SP3: variants seen among roughly 807,000 people sequenced by gnomAD.
SP3 encodes the protein transcription factor Sp3.
In SP3, 10 loss-of-function variants were observed where a neutral mutation model predicts 70.3. That is an observed-to-expected ratio of 0.14 (90% confidence interval 0.09 to 0.24). The LOEUF (loss-of-function observed/expected upper bound fraction) is 0.24, where lower values mean the gene tolerates loss of function less well. SP3 is among the 10% of genes least tolerant of loss of function. The pLI is 1.00. For synonymous variants in SP3, 402 were observed against 333.5 expected (o/e 1.21, Z -2.24); for missense variants, 825 against 914.6 (o/e 0.90, Z 1.26).
intron 4 of SP3, among the ~76,000 whole-genome samples, chr2:173,935,570 C>T (rs1447460073): frequency 6.6e-6 from 1 of 150,698 alleles, no homozygotes; most frequent in Non-Finnish European, 1.5e-5. Flanking sequence ...AGAAAATGTA[C>T]ACACTTCCTG....
rs1689220609 is a variant in SP3 at position 173,903,218 on chromosome 2, T to C, written c.*6723A>G. Among the ~76,000 whole-genome samples, 1 of 152,240 alleles carries C rather than the reference T, an allele frequency of 6.6e-6. No individual in the cohort carries two copies. The highest frequency in any genetic ancestry group is 1.5e-5 in the Non-Finnish European group (1 of 68,042). ...ACATTTACTAATACATAATATAATA[T>C]GTGCCAGGCATTATGGAAAGTGGTT... On this transcript the variant is annotated 3_prime_UTR_variant, in exon 7 of 7. Transcript: ENST00000310015.
chr2:173,965,468 T>C (rs1245820831), upstream of SP3: 2 of 359,848 alleles, frequency 5.6e-6, no homozygotes, highest in Non-Finnish European at 1.0e-5. Flanking sequence ...TGTCCGTCGG[T>C]CTGCCAGGCG....
intron 1 of SP3, chr2:173,964,909 C>T: frequency 1.9e-6 from 1 of 519,182 alleles, no homozygotes; most frequent in Non-Finnish European, 3.3e-6. Context: ...CGCCCGCACA[C>T]AGGGGGATGC....
At chr2:173,961,224 C>G (rs954217958) in intron 3 of SP3, among the ~76,000 whole-genome samples, 3 of 152,174 alleles carry the variant, frequency 2.0e-5, no homozygotes, top group African/African-American at 7.2e-5. Flanking sequence ...TGCTTTATGA[C>G]TAGACTTCTT....
chr2:173,928,389 C>G (rs187107692), intron 4 of SP3, among the ~76,000 whole-genome samples: 1 of 152,162 alleles, frequency 6.6e-6, no homozygotes, highest in Non-Finnish European at 1.5e-5. Flanking sequence ...GAGGAAAAGG[C>G]TCTGCTCTAG....
At chr2:173,926,970 T>C (rs189702054) in intron 4 of SP3, among the ~76,000 whole-genome samples, 7 of 152,280 alleles carry the variant, frequency 4.6e-5, no homozygotes, top group Admixed American at 3.9e-4. Flanking sequence ...ATAGGAAGCA[T>C]GATTCTGGCA....
In SP3 at chr2:173,907,506, AACTTT is replaced by A. The variant is rs1689365119; in HGVS notation, c.*2430_*2434del. The A allele has an allele frequency of 6.6e-6, 1 of 152,128 alleles. No homozygotes were observed. Among genetic ancestry groups the A allele is most frequent in the Admixed American group, 6.5e-5 (1 of 15,274 alleles). The allele number at this position is 152,128 out of a possible 1,614,324, so 9.4% of individuals were successfully genotyped here. Reference sequence around the variant, plus strand: ...CCTAGGGGGCACTAAAAAAATCTACAACTTTATTTAAATAATTTTCAAGACTACTT... The same window carrying A: ...CCTAGGGGGCACTAAAAAAATCTACAATTTAAATAATTTTCAAGACTACTT... On this transcript the variant is annotated 3_prime_UTR_variant, in exon 7 of 7. Transcript: ENST00000310015.
intron 4 of SP3, among the ~76,000 whole-genome samples, chr2:173,935,810 G>A (rs1690192350): frequency 6.6e-6 from 1 of 151,020 alleles, no homozygotes; most frequent in African/African-American, 2.4e-5. Flanking sequence ...GGAGTCCCCA[G>A]ATCAGTTTTC....
intron 4 of SP3, among the ~76,000 whole-genome samples, chr2:173,926,353 C>T (rs1181518539): frequency 6.6e-6 from 1 of 152,080 alleles, no homozygotes; most frequent in Non-Finnish European, 1.5e-5. Flanking sequence ...TAATCTTATT[C>T]TCGGTTTTCA....
At chr2:173,942,631 C>A (rs1213920719) in intron 4 of SP3, among the ~76,000 whole-genome samples, 2 of 152,168 alleles carry the variant, frequency 1.3e-5, no homozygotes, top group Non-Finnish European at 2.9e-5. Flanking sequence ...TCCAGCCCAA[C>A]CTGACCACTA....
intron 4 of SP3, among the ~76,000 whole-genome samples, chr2:173,925,733 A>G (rs1362413710): frequency 6.6e-6 from 1 of 152,206 alleles, no homozygotes; most frequent in African/African-American, 2.4e-5. Flanking sequence ...ATTGTAACAC[A>G]CAATACTCTT....
chr2:173,930,922 T>C (rs1358287332), intron 4 of SP3, among the ~76,000 whole-genome samples: 2 of 151,200 alleles, frequency 1.3e-5, no homozygotes, highest in African/African-American at 4.8e-5. Flanking sequence ...AAATTAACTT[T>C]AATATATTTC....
Position 173,908,656 on chromosome 2 carries a change from T to C in SP3, c.*1285A>G, listed in dbSNP as rs1471660688. Reference sequence around the variant, plus strand: ...AACAAATGAACAGAATTCCAAATTTTTGAAATAGGTGAACTGCTGCAGTTA... The same window carrying C: ...AACAAATGAACAGAATTCCAAATTTCTGAAATAGGTGAACTGCTGCAGTTA... On this transcript the variant is annotated 3_prime_UTR_variant, in exon 7 of 7. Transcript: ENST00000310015. The C allele has an allele frequency of 2.0e-5, 3 of 152,422 alleles. No individual in the cohort carries two copies. Among genetic ancestry groups the C allele is most frequent in the Non-Finnish European group, 4.4e-5 (3 of 67,904 alleles). The allele number at this position is 152,422 out of a possible 1,614,324, so 9.4% of individuals were successfully genotyped here.
chr2:173,912,536 C>T (rs1365131797), intron 6 of SP3, among the ~76,000 whole-genome samples: 2 of 145,812 alleles, frequency 1.4e-5, no homozygotes, highest in African/African-American at 5.1e-5. Flanking sequence ...AGTCACAGGT[C>T]CATTTCATTT....
intron 4 of SP3, among the ~76,000 whole-genome samples, chr2:173,921,827 G>T (rs1227668622): frequency 6.6e-6 from 1 of 152,184 alleles, no homozygotes; most frequent in Non-Finnish European, 1.5e-5. Context: ...CTCATAAATG[G>T]TTTAGCACCA....
chr2:173,908,570 G>A lies in SP3; in HGVS notation c.*1371C>T, dbSNP rs941231581. The A allele has an allele frequency of 1.3e-5, 2 of 152,402 alleles. No homozygotes were observed. Among genetic ancestry groups the A allele is most frequent in the Admixed American group, 6.6e-5 (1 of 15,264 alleles). 9.4% of individuals were successfully genotyped at this position (152,402 alleles called of 1,614,324 possible). On this transcript the variant is annotated 3_prime_UTR_variant, in exon 7 of 7. Coordinates refer to ENST00000310015, the MANE Select transcript of SP3 (RefSeq NM_003111.5). ...ATAGTGTTTTATTAACTACCACACT[G>A]TTATAATACACTTTAAACGTACAAT...
intron 6 of SP3, among the ~76,000 whole-genome samples, chr2:173,911,812 CCT>C (rs1491207218): frequency 8.6e-6 from 1 of 115,854 alleles, no homozygotes; most frequent in Non-Finnish European, 1.8e-5. Context: ...CTTTTATCTA[CCT>C]TTTTTTTTTT....
At position 173,940,808 on chromosome 2, in the gene SP3, T is replaced by C. The variant is rs79435361; in HGVS notation, c.1639+14065A>G. On this transcript the variant is annotated intron_variant, in intron 4 of 6. Transcript: ENST00000310015. ...TCCTAACACCTGGCCCTCTCACCCA[T>C]CTTAGCTTGTTTCTTATCACAAAAG... Among the ~76,000 whole-genome samples the C allele has an allele frequency of 9.0e-3, 1,371 of 152,278 alleles. 8 individuals are homozygous for C. Among genetic ancestry groups the C allele is most frequent in the Non-Finnish European group, 0.015 (1,021 of 68,004 alleles).
At chr2:173,916,971 T>C (rs562473363) in intron 5 of SP3, 1 of 152,088 alleles carries the variant, frequency 6.6e-6, no homozygotes, top group Admixed American at 6.6e-5. Flanking sequence ...AGAACAGACA[T>C]ATAAAACAGT....
Sources: allele counts gnomAD v4.1 joint callset (sites outside exome capture counted in the v4.1 genomes callset), GRCh38; gene constraint gnomAD v4.1.1; transcripts MANE v1.5; gene names NCBI Gene and HGNC (gene_info 2026-07-23, HGNC 2026-07-21).